NCK2: variants seen among roughly 807,000 people sequenced by gnomAD.
The protein encoded by NCK2 is cytoplasmic protein NCK2.
In NCK2, 16 loss-of-function variants were observed where a neutral mutation model predicts 33.9. The observed-to-expected ratio is 0.47, with a 90% CI of 0.32 to 0.72. The LOEUF (loss-of-function observed/expected upper bound fraction) is 0.72, where lower values mean the gene tolerates loss of function less well. Ranked by LOEUF, NCK2 falls within the 30% of genes least tolerant of loss-of-function variation. The pLI, the probability that NCK2 is intolerant of heterozygous loss-of-function variation, is 0.03. For synonymous variants in NCK2, 273 were observed against 239.9 expected, an observed-to-expected ratio of 1.14 and a Z score of -1.27; for missense variants, 418 against 537.3, an observed-to-expected ratio of 0.78 and a Z score of 2.19.
At chr2:105,785,338 G>A (rs1690639463) in intron 1 of NCK2, among the ~76,000 whole-genome samples, 1 of 152,192 alleles carries the variant, frequency 6.6e-6, no homozygotes, top group Non-Finnish European at 1.5e-5. Context: ...AAAAGAACCA[G>A]AGGACGGTTC....
upstream of NCK2, chr2:105,744,796 C>G (rs1216383730): frequency 6.7e-6 from 1 of 149,690 alleles, no homozygotes; most frequent in African/African-American, 2.4e-5. Context: ...CGTCACGGCG[C>G]GGCCGGGGAG....
chr2:105,769,776 A>G (rs1251603005), intron 1 of NCK2, among the ~76,000 whole-genome samples: 10 of 141,238 alleles, frequency 7.1e-5, no homozygotes, highest in African/African-American at 1.4e-4. Flanking sequence ...TCAGTGTGTC[A>G]GGCGTGGTCA....
intron 1 of NCK2, among the ~76,000 whole-genome samples, chr2:105,750,540 A>G (rs1464530355): frequency 6.6e-6 from 1 of 152,162 alleles, no homozygotes; most frequent in East Asian, 1.9e-4. Flanking sequence ...ATTTGGGGAC[A>G]CCTACCAGGG....
At chr2:105,777,258 G>T (rs921945315) in intron 1 of NCK2, among the ~76,000 whole-genome samples, 5 of 152,262 alleles carry the variant, frequency 3.3e-5, no homozygotes, top group African/African-American at 1.2e-4. Flanking sequence ...TTGCGGGGGG[G>T]CAACGCTTTG....
chr2:105,786,780 C>T (rs554867194), intron 1 of NCK2, among the ~76,000 whole-genome samples: 5 of 152,206 alleles, frequency 3.3e-5, no homozygotes, highest in East Asian at 1.9e-4. Flanking sequence ...GCCTCCCCCA[C>T]GCATTGCTTC....
chr2:105,854,185 C>T (rs753754809), intron 2 of NCK2, among the ~76,000 whole-genome samples: 18 of 152,138 alleles, frequency 1.2e-4, no homozygotes, highest in Non-Finnish European at 1.9e-4. Flanking sequence ...GGCTTGATAG[C>T]TCATTTCTTT....
Position 105,864,783 on chromosome 2 carries a change from C to T in NCK2, c.226+9494C>T, listed in dbSNP as rs147932552. Among the ~76,000 whole-genome samples the T allele has an allele frequency of 4.2e-3, 630 of 150,516 alleles. 2 individuals are homozygous for T. Among genetic ancestry groups the T allele is most frequent in the African/African-American group, 0.014 (571 of 40,830 alleles). On this transcript the variant is annotated intron_variant, in intron 3 of 4. Transcript: ENST00000233154. ...CCTTTCACACATGAGTTTGGCCCTCCGAACCCACGGGAAAGATCTGTAACC... is the reference window on the plus strand; with the variant it reads ...CCTTTCACACATGAGTTTGGCCCTCTGAACCCACGGGAAAGATCTGTAACC...
chr2:105,882,151 AAG>A, intron 4 of NCK2, 102 bp downstream of exon 4: 1 of 1,273,792 alleles, frequency 7.9e-7, no homozygotes, highest in Non-Finnish European at 1.0e-6. Context: ...GTACACTAGA[AAG>A]AGCGGGAGAC....
intron 1 of NCK2, among the ~76,000 whole-genome samples, chr2:105,750,106 C>T (rs886481582): frequency 6.7e-6 from 1 of 149,778 alleles, no homozygotes; most frequent in African/African-American, 2.4e-5. Context: ...AAGCTGCAGA[C>T]ATTTATTTTC....
chr2:105,845,209 A>C (rs919463129), intron 2 of NCK2, among the ~76,000 whole-genome samples: 1 of 152,230 alleles, frequency 6.6e-6, no homozygotes, highest in East Asian at 1.9e-4. Context: ...ATATTTTAAC[A>C]TTATGAGACC....
chr2:105,831,756 CTG>C (rs1380840818), intron 2 of NCK2, among the ~76,000 whole-genome samples: 1 of 152,046 alleles, frequency 6.6e-6, no homozygotes, highest in Admixed American at 6.5e-5. Flanking sequence ...GTCGATGTGT[CTG>C]TTTTTATGCC....
intron 3 of NCK2, among the ~76,000 whole-genome samples, chr2:105,862,177 A>G (rs1007383380): frequency 3.9e-4 from 59 of 152,256 alleles, no homozygotes; most frequent in African/African-American, 1.3e-3. Context: ...ATTTTTTTAT[A>G]TCAGTGGTAA....
chr2:105,805,736 G>A (rs1675009788), intron 1 of NCK2, among the ~76,000 whole-genome samples: 1 of 152,164 alleles, frequency 6.6e-6, no homozygotes, highest in South Asian at 2.1e-4. Context: ...TTAGCATGAT[G>A]TCCTCCCAGT....
intron 2 of NCK2, among the ~76,000 whole-genome samples, chr2:105,845,433 C>T (rs1043668034): frequency 8.0e-5 from 12 of 150,702 alleles, no homozygotes; most frequent in African/African-American, 2.9e-4. Context: ...CTTACTCTGT[C>T]ACCCAGGTTG....
intron 1 of NCK2, among the ~76,000 whole-genome samples, chr2:105,805,994 A>C (rs758036058): frequency 6.6e-6 from 1 of 151,952 alleles, no homozygotes; most frequent in Non-Finnish European, 1.5e-5. Flanking sequence ...GCCTGCAGGT[A>C]ATTTTATTTT....
At chr2:105,818,062 A>T (rs949634523) in intron 2 of NCK2, among the ~76,000 whole-genome samples, 1 of 152,082 alleles carries the variant, frequency 6.6e-6, no homozygotes, top group African/African-American at 2.4e-5. Context: ...GATTAAGAAA[A>T]TGTGGCACAT....
At chr2:105,827,063 G>A (rs1057281224) in intron 2 of NCK2, among the ~76,000 whole-genome samples, 1 of 151,744 alleles carries the variant, frequency 6.6e-6, no homozygotes, top group South Asian at 2.1e-4. Flanking sequence ...GCAGTGGCAC[G>A]ATCTCGGCTC....
chr2:105,786,611 A>G (rs1044193510), intron 1 of NCK2, among the ~76,000 whole-genome samples: 3 of 152,182 alleles, frequency 2.0e-5, no homozygotes, highest in Non-Finnish European at 2.9e-5. Context: ...TAAACTCCAC[A>G]TAGCTGGCTC....
intron 1 of NCK2, among the ~76,000 whole-genome samples, chr2:105,746,963 G>A (rs1490101130): frequency 2.0e-5 from 3 of 152,136 alleles, no homozygotes; most frequent in Non-Finnish European, 4.4e-5. Context: ...TAAACATTCA[G>A]GGGGGTTGGT....
Sources: allele counts gnomAD v4.1 joint callset (sites outside exome capture counted in the v4.1 genomes callset), GRCh38; gene constraint gnomAD v4.1.1; transcripts MANE v1.5; gene names NCBI Gene and HGNC (gene_info 2026-07-23, HGNC 2026-07-21).